The following LRRC37A2 variants were observed in gnomAD, a reference collection of about 807,000 sequenced individuals.
LRRC37A2 encodes the protein leucine-rich repeat-containing protein 37A2.
A neutral mutation model predicts 68.8 loss-of-function variants in LRRC37A2; 9 were observed. The ratio of observed to expected loss-of-function variants is 0.13; its 90% confidence interval spans 0.08 to 0.23. LRRC37A2 has a LOEUF of 0.23. LRRC37A2 is among the 10% of genes least tolerant of loss of function. The pLI is 1.00. For synonymous variants in LRRC37A2, 63 were observed against 367.6 expected, an observed-to-expected ratio of 0.17 and a Z score of 9.48; for missense variants, 168 against 950.4, an observed-to-expected ratio of 0.18 and a Z score of 10.82.
chr17:46,875,069 T>C, the LRRC37A2 span: 1 of 1,613,256 alleles, frequency 6.2e-7, no homozygotes, highest in Admixed American at 1.7e-5. Context: ...CCCCCTTTCC[T>C]CCCTCCCTAT....
chr17:46,685,428 G>A, the LRRC37A2 span, among the ~76,000 whole-genome samples: 5 of 151,782 alleles, frequency 3.3e-5, no homozygotes, highest in African/African-American at 1.2e-4. Context: ...ACATAATAAA[G>A]AAAAACATCA....
At chr17:46,781,733 A>G in the LRRC37A2 span, among the ~76,000 whole-genome samples, 1 of 152,200 alleles carries the variant, frequency 6.6e-6, no homozygotes, top group African/African-American at 2.4e-5. Flanking sequence ...GCAAAATTAA[A>G]AAAATCAAAG....
chr17:46,897,219 C>A, the LRRC37A2 span, among the ~76,000 whole-genome samples: 1 of 152,228 alleles, frequency 6.6e-6, no homozygotes, highest in Admixed American at 6.5e-5. Context: ...GGCTTGAGAC[C>A]TAGTTCCAGA....
the LRRC37A2 span, among the ~76,000 whole-genome samples, chr17:46,954,576 G>A: frequency 2.0e-5 from 3 of 152,180 alleles, no homozygotes; most frequent in Non-Finnish European, 2.9e-5. Flanking sequence ...GTCATTGGTA[G>A]CTTGATGGGG....
chr17:46,978,462 G>C, the LRRC37A2 span: 5 of 628,456 alleles, frequency 8.0e-6, no homozygotes, highest in African/African-American at 2.0e-5. Flanking sequence ...ACACAGGACA[G>C]AGCCGGGCGT....
At chr17:46,982,913 T>G in the LRRC37A2 span, among the ~76,000 whole-genome samples, 1 of 152,198 alleles carries the variant, frequency 6.6e-6, no homozygotes, top group African/African-American at 2.4e-5. Context: ...AGGAGAAGGC[T>G]TCAGGTACGT....
chr17:46,496,620 A>AACC, the LRRC37A2 span, among the ~76,000 whole-genome samples: 1 of 83,316 alleles, frequency 1.2e-5, no homozygotes, highest in African/African-American at 3.8e-5. Flanking sequence ...AAAAAAAAAA[A>AACC]CAAAACAAAA....
the LRRC37A2 span, among the ~76,000 whole-genome samples, chr17:46,899,210 C>T: frequency 6.6e-5 from 10 of 151,724 alleles, no homozygotes; most frequent in South Asian, 2.1e-4. Context: ...GCCAGTGTGG[C>T]GAAAACCCTG....
At chr17:47,014,700 C>T in the LRRC37A2 span, among the ~76,000 whole-genome samples, 1 of 151,892 alleles carries the variant, frequency 6.6e-6, no homozygotes, top group Non-Finnish European at 1.5e-5. Context: ...CTGGGCTGCT[C>T]GAACACAGGC....
chr17:46,802,100 G>T, the LRRC37A2 span, among the ~76,000 whole-genome samples: 7 of 152,194 alleles, frequency 4.6e-5, no homozygotes, highest in African/African-American at 1.7e-4. Context: ...TTTGGTCTTC[G>T]ACCTAGTTTC....
At chr17:46,548,668 A>C in exon 10 of LRRC37A2, 1 of 1,607,382 alleles carries the variant, frequency 6.2e-7, no homozygotes, top group South Asian at 1.1e-5. Flanking sequence ...CATCCAGAAA[A>C]GGCACTTCAA....
At chr17:46,819,890 G>C in the LRRC37A2 span, among the ~76,000 whole-genome samples, 1 of 152,208 alleles carries the variant, frequency 6.6e-6, no homozygotes, top group Admixed American at 6.5e-5. This position sits in a 1 kb window ranked among gnomAD's most constrained non-coding sequence, Gnocchi z 5.3. Flanking sequence ...GGTCACCTGG[G>C]TGCCTTTCCC....
chr17:46,575,449 C>T, the LRRC37A2 span, among the ~76,000 whole-genome samples: 1 of 150,568 alleles, frequency 6.6e-6, no homozygotes, highest in Admixed American at 6.6e-5. Flanking sequence ...GAGATGCTGC[C>T]ACTAAGGAAG....
chr17:46,828,795 C>T, the LRRC37A2 span, among the ~76,000 whole-genome samples: 1 of 110,538 alleles, frequency 9.0e-6, no homozygotes, highest in Admixed American at 9.6e-5. Context: ...CCTATCTCTA[C>T]AAAAAAAAAA....
At chr17:46,610,027 T>TTCTCTCTCTC in the LRRC37A2 span, among the ~76,000 whole-genome samples, 19 of 109,538 alleles carry the variant, frequency 1.7e-4, no homozygotes, top group African/African-American at 5.6e-4. Flanking sequence ...CTTTCTTTCT[T>TTCTCTCTCTC]TCTCTCTCTC....
chr17:46,890,760 T>C, the LRRC37A2 span, among the ~76,000 whole-genome samples: 2 of 151,970 alleles, frequency 1.3e-5, no homozygotes, highest in African/African-American at 4.8e-5. Flanking sequence ...AGCCATGGGG[T>C]CCCTCAGGAG....
At chr17:47,020,659 G>T in the LRRC37A2 span, among the ~76,000 whole-genome samples, 3 of 150,926 alleles carry the variant, frequency 2.0e-5, no homozygotes, top group Admixed American at 6.6e-5. Context: ...GTGGGTGCCT[G>T]GAGTCCCAGC....
chr17:46,598,598 G>A, the LRRC37A2 span, among the ~76,000 whole-genome samples: 1 of 152,090 alleles, frequency 6.6e-6, no homozygotes, highest in African/African-American at 2.4e-5. Context: ...CTTAGGAGTT[G>A]AAAGGGGTAT....
the LRRC37A2 span, among the ~76,000 whole-genome samples, chr17:46,959,658 C>T: frequency 6.6e-6 from 1 of 152,172 alleles, no homozygotes; most frequent in Non-Finnish European, 1.5e-5. Flanking sequence ...TAGCAGTCCC[C>T]TTATGCTGAA....
Sources: allele counts gnomAD v4.1 joint callset (sites outside exome capture counted in the v4.1 genomes callset), GRCh38; gene constraint gnomAD v4.1.1; non-coding constraint Gnocchi (gnomAD v3.1); transcripts MANE v1.5; gene names NCBI Gene and HGNC (gene_info 2026-07-23, HGNC 2026-07-21).